Variants in DNASE1L3 observed in about 807,000 individuals in gnomAD.
The protein encoded by DNASE1L3 is deoxyribonuclease gamma.
In DNASE1L3, 27 loss-of-function variants were observed where a neutral mutation model predicts 30.9. The observed-to-expected ratio is 0.87, with a 90% confidence interval of 0.64 to 1.20. The LOEUF (loss-of-function observed/expected upper bound fraction) is 1.20. Ranked by LOEUF, DNASE1L3 falls within the 50% of genes most tolerant of loss-of-function variation. The pLI is 0.00. For missense variants in DNASE1L3, 364 were observed against 378.2 expected, an observed-to-expected ratio of 0.96 and a Z score of 0.31; for synonymous variants, 135 against 138.0, an observed-to-expected ratio of 0.98 and a Z score of 0.15.
chr3:58,192,957 A>G lies in DNASE1L3; in HGVS notation c.802-154T>C. 6.9e-7 allele frequency: 1 copy of G among 1,443,306 alleles called. No individual in the cohort carries two copies. Among genetic ancestry groups the G allele is most frequent in the Non-Finnish European group, 9.0e-7 (1 of 1,105,488 alleles). The allele number at this position is 1,443,306 out of a possible 1,614,324, so 89.4% of individuals were successfully genotyped here. On this transcript the variant is annotated intron_variant, in intron 7 of 7. Transcript: ENST00000394549. The surrounding 1 kb of genome is among the most constrained non-coding windows in gnomAD (Gnocchi z 4.8). Reference sequence around the variant, plus strand: ...TACTGGTAAGCGTCATTCCAAGACCAGCTCGATCAGAAATTTTGGAGGGGC... The same window carrying G: ...TACTGGTAAGCGTCATTCCAAGACCGGCTCGATCAGAAATTTTGGAGGGGC...
chr3:58,193,926 G>A (rs1187386886), intron 6 of DNASE1L3, among the ~76,000 whole-genome samples: 2 of 152,174 alleles, frequency 1.3e-5, no homozygotes, highest in Non-Finnish European at 2.9e-5. Context: ...TTAACAAGGC[G>A]TGATTTTCAC....
At chr3:58,195,797 A>G (rs1415412662) in intron 6 of DNASE1L3, among the ~76,000 whole-genome samples, 3 of 152,108 alleles carry the variant, frequency 2.0e-5, no homozygotes, top group Admixed American at 6.5e-5. Context: ...AAAAAAAGAA[A>G]AAAAAGAGGC....
chr3:58,206,884 C>T (rs930317733), intron 2 of DNASE1L3, among the ~76,000 whole-genome samples: 25 of 152,170 alleles, frequency 1.6e-4, no homozygotes, highest in African/African-American at 5.8e-4. Flanking sequence ...CCACTCAGTT[C>T]CCTTACTATA....
intron 6 of DNASE1L3, among the ~76,000 whole-genome samples, chr3:58,195,885 G>C (rs1310158353): frequency 1.3e-5 from 2 of 152,134 alleles, no homozygotes; most frequent in African/African-American, 4.8e-5. Flanking sequence ...AATGTCACAT[G>C]TAATCCCACC....
At chr3:58,199,859 G>T (rs972034664) in intron 5 of DNASE1L3, among the ~76,000 whole-genome samples, 16 of 152,116 alleles carry the variant, frequency 1.1e-4, no homozygotes, top group Non-Finnish European at 1.5e-4. Context: ...TTATTAATAA[G>T]CAATGAAATA....
chr3:58,202,319 T>G (rs1203883224), intron 4 of DNASE1L3, among the ~76,000 whole-genome samples: 1 of 9,998 alleles, frequency 1.0e-4, no homozygotes, highest in Non-Finnish European at 2.7e-4. Flanking sequence ...CTAGCTTTGT[T>G]TTTTTTTTTT....
In DNASE1L3 at chr3:58,200,452, G is replaced by T. The variant is rs2097399930; in HGVS notation, c.546+545C>A. Among the ~76,000 whole-genome samples, 1 of 152,190 alleles carries T rather than the reference G, an allele frequency of 6.6e-6. No individual in the cohort carries two copies. The highest frequency in any genetic ancestry group is 2.1e-4 in the South Asian group (1 of 4,824). On this transcript the variant is annotated intron_variant, in intron 5 of 7. Coordinates refer to ENST00000394549, the MANE Select transcript of DNASE1L3 (RefSeq NM_004944.4). The surrounding 1 kb of genome is among the most constrained non-coding windows in gnomAD (Gnocchi z 4.2). ...CAGAGGAAAGGGCAACCAGGAGATAGAAAGGAAGAGACAAATCAAGCTCTG... is the reference window on the plus strand; with the variant it reads ...CAGAGGAAAGGGCAACCAGGAGATATAAAGGAAGAGACAAATCAAGCTCTG...
At chr3:58,204,680 T>C (rs2097402824) in intron 4 of DNASE1L3, 89 bp downstream of exon 4, 1 of 1,058,380 alleles carries the variant, frequency 9.4e-7, no homozygotes, top group African/African-American at 1.6e-5. Context: ...TCCAGCCTAA[T>C]GCCTCCTTAA....
At chr3:58,208,068 G>A (rs887580301) in intron 2 of DNASE1L3, 150 bp downstream of exon 2, 50 of 634,782 alleles carry the variant, frequency 7.9e-5, no homozygotes, top group Non-Finnish European at 1.2e-4. Flanking sequence ...TCTCAGGACC[G>A]TGGCTAAGGG....
intron 4 of DNASE1L3, among the ~76,000 whole-genome samples, chr3:58,203,156 A>G (rs1375888323): frequency 6.6e-6 from 1 of 152,120 alleles, no homozygotes; most frequent in East Asian, 1.9e-4. Context: ...TGGGGCGGTC[A>G]CTGCTCAAGT....
intron 4 of DNASE1L3, among the ~76,000 whole-genome samples, chr3:58,202,382 CA>C (rs1237345392): frequency 7.9e-6 from 1 of 126,140 alleles, no homozygotes; most frequent in Non-Finnish European, 1.6e-5. Context: ...AGGCTGCTCT[CA>C]AACTCCCAAC....
In DNASE1L3 at chr3:58,197,358, G is replaced by A. The variant is rs894761009; in HGVS notation, c.704+463C>T. Among the ~76,000 whole-genome samples the A allele has an allele frequency of 1.3e-5, 2 of 152,138 alleles. No homozygotes were observed. The highest frequency in any genetic ancestry group is 4.8e-5 in the African/African-American group (2 of 41,430). ...TACAGTGCCCAGGGCCACCGCATAG[G>A]GTCCTGTGGTTCATACGCTACATGT... On this transcript the variant is annotated intron_variant, in intron 6 of 7. Coordinates refer to ENST00000394549, the MANE Select transcript of DNASE1L3 (RefSeq NM_004944.4). This position sits in a 1 kb window ranked among gnomAD's most constrained non-coding sequence, Gnocchi z 5.3.
Position 58,192,727 on chromosome 3 carries a change from G to T in DNASE1L3, c.878C>A (p.Ser293Tyr). ...CTTTGTTTTCTTCCTTAGAGTGACA[G>T]ATTTTTTGCTGTTGGTGAAGGCCCT... ...SSRAFTNSKK[S>Y]VTLRKKTKSK... Residue 293 changes from serine to tyrosine, a missense_variant, in exon 8 of 8, where the codon TCT becomes TAT. Physicochemically the swap from Ser to Tyr is moderately radical, Grantham distance 144. Coordinates refer to ENST00000394549, the MANE Select transcript of DNASE1L3 (RefSeq NM_004944.4). The surrounding 1 kb of genome is among the most constrained non-coding windows in gnomAD (Gnocchi z 4.8). 1 of 1,614,190 alleles carries T rather than the reference G, an allele frequency of 6.2e-7. No homozygotes were observed. Among genetic ancestry groups the T allele is most frequent in the Non-Finnish European group, 8.5e-7 (1 of 1,180,018 alleles).
intron 6 of DNASE1L3, among the ~76,000 whole-genome samples, chr3:58,193,803 A>T (rs1023891980): frequency 6.6e-6 from 1 of 152,210 alleles, no homozygotes; most frequent in Non-Finnish European, 1.5e-5. Context: ...TTGATTATGG[A>T]GAAATTCTCA....
chr3:58,206,362 C>T (rs1379107744), intron 2 of DNASE1L3, among the ~76,000 whole-genome samples: 1 of 152,158 alleles, frequency 6.6e-6, no homozygotes, highest in Non-Finnish European at 1.5e-5. Flanking sequence ...CCAACTTAGA[C>T]CTTACAGAAA....
In DNASE1L3 at chr3:58,197,805, C is replaced by T. The variant is rs2097398265; in HGVS notation, c.704+16G>A. On this transcript the variant is annotated intron_variant, in intron 6 of 7. Transcript: ENST00000394549. The surrounding 1 kb of genome is among the most constrained non-coding windows in gnomAD (Gnocchi z 5.3). ...AGCACTGTGGTGAGCCAGCAGCACC[C>T]TGCAGGGCCTCCTACCTGTCATATG... 6.2e-7 allele frequency: 1 copy of T among 1,613,252 alleles called. No homozygotes were observed. Among genetic ancestry groups the T allele is most frequent in the South Asian group, 1.1e-5 (1 of 91,024 alleles).
At chr3:58,203,325 C>T (rs2097401968) in intron 4 of DNASE1L3, among the ~76,000 whole-genome samples, 1 of 152,234 alleles carries the variant, frequency 6.6e-6, no homozygotes, top group Non-Finnish European at 1.5e-5. Flanking sequence ...AGCTTTTGTG[C>T]TCACTGTGCC....
chr3:58,195,712 G>A (rs1306848544), intron 6 of DNASE1L3, among the ~76,000 whole-genome samples: 1 of 150,612 alleles, frequency 6.6e-6, no homozygotes, highest in African/African-American at 2.4e-5. Flanking sequence ...CTTGAACCCG[G>A]GAGGCGGAGG....
chr3:58,205,182 GA>G (rs2097403104), intron 3 of DNASE1L3, among the ~76,000 whole-genome samples: 1 of 152,228 alleles, frequency 6.6e-6, no homozygotes, highest in Non-Finnish European at 1.5e-5. Context: ...CAGCTGTGCT[GA>G]GAACCTCAGC....
Sources: allele counts gnomAD v4.1 joint callset (sites outside exome capture counted in the v4.1 genomes callset), GRCh38; gene constraint gnomAD v4.1.1; non-coding constraint Gnocchi (gnomAD v3.1); transcripts MANE v1.5; gene names NCBI Gene and HGNC (gene_info 2026-07-23, HGNC 2026-07-21).